Variants in MYH9 observed in about 807,000 individuals in gnomAD.
MYH9 encodes myosin-9.
A neutral mutation model predicts 241.9 loss-of-function variants in MYH9; 29 were observed. The observed-to-expected ratio is 0.12, with a 90% confidence interval of 0.09 to 0.16. The LOEUF (loss-of-function observed/expected upper bound fraction) is 0.16, where lower values mean the gene tolerates loss of function less well. MYH9 is among the 10% of genes least tolerant of loss of function. The pLI is 1.00. For missense variants in MYH9, 1,803 were observed against 2,595.5 expected, an observed-to-expected ratio of 0.69 and a Z score of 6.63; for synonymous variants, 1,047 against 1,062.6, an observed-to-expected ratio of 0.99 and a Z score of 0.29.
Position 36,296,865 on chromosome 22 carries a change from C to T in MYH9, c.3250G>A (p.Glu1084Lys). Residue 1084 changes from glutamate (E) to lysine (K), a missense_variant, in exon 25 of 41, where the codon GAG (glutamate) becomes AAG (lysine). Coordinates refer to ENST00000216181, the MANE Select transcript of MYH9 (RefSeq NM_002473.6). Reference protein sequence around the residue: ...LKMQLAKKEEELQAALARVEE... With the variant: ...LKMQLAKKEEKLQAALARVEE... ...CACCTGGCCAGGGCGGCCTGGAGCTCCTCCTCTTTCTTGGCCAGCTGCATC... is the reference window on the plus strand; with the variant it reads ...CACCTGGCCAGGGCGGCCTGGAGCTTCTCCTCTTTCTTGGCCAGCTGCATC... 1.2e-6 allele frequency: 2 copies of T among 1,612,260 alleles called. No homozygotes were observed. Among genetic ancestry groups the T allele is most frequent in the Non-Finnish European group, 1.7e-6 (2 of 1,179,452 alleles).
chr22:36,283,654 A>C (rs2016530246), intron 40 of MYH9, among the ~76,000 whole-genome samples: 1 of 152,178 alleles, frequency 6.6e-6, no homozygotes, highest in Admixed American at 6.5e-5. Context: ...ACAAAAAAAC[A>C]CGTAAGAAAT....
chr22:36,288,219 G>T lies in MYH9; in HGVS notation c.4932+33C>A, dbSNP rs768467880. 2.7e-5 allele frequency: 43 copies of T among 1,611,544 alleles called. No homozygotes were observed. The highest frequency in any genetic ancestry group is 5.9e-6 in the Non-Finnish European group (7 of 1,179,688). Reference sequence around the variant, plus strand: ...TATGTAGTTGGCTCAGTCGGGTGCCGCCCACCCTCACCTGGGCCCCGCCCA... The same window carrying T: ...TATGTAGTTGGCTCAGTCGGGTGCCTCCCACCCTCACCTGGGCCCCGCCCA... On this transcript the variant is annotated intron_variant, in intron 34 of 40. Transcript: ENST00000216181. The surrounding 1 kb of genome is among the most constrained non-coding windows in gnomAD (Gnocchi z 4.8).
Position 36,293,754 on chromosome 22 carries a change from C to T in MYH9, c.3942+5G>A, listed in dbSNP as rs775695035. 9.9e-6 allele frequency: 16 copies of T among 1,613,268 alleles called. No individual in the cohort carries two copies. In the Admixed American group the frequency reaches 2.5e-4, roughly 25 times the overall value. ...CACCTTCTGGGAACCTGGCGCCACCCCTACCTGAGTGTCCTGCAGCTGGGA... is the reference window on the plus strand; with the variant it reads ...CACCTTCTGGGAACCTGGCGCCACCTCTACCTGAGTGTCCTGCAGCTGGGA... On this transcript the variant is annotated splice_donor_5th_base_variant and intron_variant, in intron 29 of 40. Coordinates refer to ENST00000216181, the MANE Select transcript of MYH9 (RefSeq NM_002473.6). The surrounding 1 kb of genome is among the most constrained non-coding windows in gnomAD (Gnocchi z 5.1).
chr22:36,297,525 T>C (rs1372139345), intron 24 of MYH9, among the ~76,000 whole-genome samples: 1 of 152,196 alleles, frequency 6.6e-6, no homozygotes, highest in African/African-American at 2.4e-5. Flanking sequence ...GAGGCGCCAA[T>C]GAGTTACTAT....
intron 13 of MYH9, among the ~76,000 whole-genome samples, chr22:36,313,499 G>C (rs938217076): frequency 6.9e-6 from 1 of 144,200 alleles, no homozygotes; most frequent in African/African-American, 2.5e-5. Flanking sequence ...CACAGGAACA[G>C]CTCAGGCTTC....
intron 1 of MYH9, among the ~76,000 whole-genome samples, chr22:36,357,689 C>A (rs548006911): frequency 6.6e-6 from 1 of 152,096 alleles, no homozygotes; most frequent in East Asian, 1.9e-4. Flanking sequence ...CTGAAGTGCA[C>A]GGGCCAAATC....
rs1284925882 is a variant in MYH9 at position 36,330,977 on chromosome 22, A to G, written c.491-3489T>C. Among the ~76,000 whole-genome samples the G allele has an allele frequency of 1.3e-5, 2 of 152,122 alleles. No homozygotes were observed. The highest frequency in any genetic ancestry group is 2.9e-5 in the Non-Finnish European group (2 of 68,032). ...CTCTGCAGTAGTTTTCAGACTTTTC[A>G]AAAAGCAGCGGCAGTCCTTCCTCAG... On this transcript the variant is annotated intron_variant, in intron 3 of 40. Coordinates refer to ENST00000216181, the MANE Select transcript of MYH9 (RefSeq NM_002473.6). This position sits in a 1 kb window ranked among gnomAD's most constrained non-coding sequence, Gnocchi z 4.5.
At position 36,316,677 on chromosome 22, in the gene MYH9, G is replaced by A. The variant is rs1407837259; in HGVS notation, c.1228-8C>T. On this transcript the variant is annotated splice_region_variant and splice_polypyrimidine_tract_variant and intron_variant, in intron 11 of 40. Coordinates refer to ENST00000216181, the MANE Select transcript of MYH9 (RefSeq NM_002473.6). Reference sequence around the variant, plus strand: ...CTCGATGGCAAAGTCAGCCTGCGGGGCACACCCGGGGAGCGTGGTGTCAGA... The same window carrying A: ...CTCGATGGCAAAGTCAGCCTGCGGGACACACCCGGGGAGCGTGGTGTCAGA... 1.2e-6 allele frequency: 2 copies of A among 1,613,500 alleles called. No homozygotes were observed. The highest frequency in any genetic ancestry group is 1.7e-6 in the Non-Finnish European group (2 of 1,180,038).
chr22:36,308,752 T>G (rs2017012104), intron 15 of MYH9: 2 of 935,722 alleles, frequency 2.1e-6, no homozygotes, highest in Non-Finnish European at 2.5e-6. Flanking sequence ...AAGCATTTCT[T>G]GCACAGCTTT....
chr22:36,297,091 T>G (rs1266086033), intron 24 of MYH9, 77 bp from the exon 25 acceptor site: 1 of 1,511,766 alleles, frequency 6.6e-7, no homozygotes, highest in African/African-American at 1.4e-5. Flanking sequence ...TACAAAATAC[T>G]GAGCACTCGT....
intron 31 of MYH9, among the ~76,000 whole-genome samples, chr22:36,290,919 C>T (rs191836288): frequency 0.015 from 2,206 of 151,928 alleles, 21 homozygotes; most frequent in Middle Eastern, 0.075. Context: ...GGCAACCGCC[C>T]CGTCTGAGAG....
At chr22:36,327,853 G>A (rs1366574293) in intron 3 of MYH9, among the ~76,000 whole-genome samples, 1 of 152,186 alleles carries the variant, frequency 6.6e-6, no homozygotes, top group East Asian at 1.9e-4. Flanking sequence ...ACGGGGTGGG[G>A]GGCTGAAGCT....
At chr22:36,315,235 C>T (rs761091295) in intron 12 of MYH9, among the ~76,000 whole-genome samples, 12 of 152,134 alleles carry the variant, frequency 7.9e-5, no homozygotes, top group Non-Finnish European at 1.3e-4. Flanking sequence ...ATCACAAGTA[C>T]TGCTAATACA....
chr22:36,345,788 G>C (rs189302333), intron 2 of MYH9, among the ~76,000 whole-genome samples: 12 of 152,170 alleles, frequency 7.9e-5, no homozygotes, highest in Admixed American at 7.2e-4. Flanking sequence ...CCAACACCTG[G>C]CTGTGTGACC....
intron 3 of MYH9, among the ~76,000 whole-genome samples, chr22:36,331,853 C>A (rs2017425601): frequency 6.6e-6 from 1 of 152,196 alleles, no homozygotes. Flanking sequence ...GAAAGAAAAA[C>A]AGGAAAAAGG....
In MYH9 at chr22:36,383,330, T is replaced by C. The variant is rs543154851; in HGVS notation, c.-20+4477A>G. On this transcript the variant is annotated intron_variant, in intron 1 of 40. Coordinates refer to ENST00000216181, the MANE Select transcript of MYH9 (RefSeq NM_002473.6). ...CCAGTGCTCTTCCTGTATCACCCTT[T>C]GGCTATCTCCCAGACCACAGGAAAC... Among the ~76,000 whole-genome samples the C allele has an allele frequency of 4.6e-5, 7 of 152,306 alleles. No homozygotes were observed. The East Asian group carries it at 1.3e-3, about 29-fold the overall frequency.
At chr22:36,302,851 G>A (rs2016903519) in intron 19 of MYH9, among the ~76,000 whole-genome samples, 175 bp from the exon 20 acceptor site, 1 of 152,184 alleles carries the variant, frequency 6.6e-6, no homozygotes, top group Admixed American at 6.5e-5. Flanking sequence ...CCACTTACAG[G>A]CTGTGTGACT....
At chr22:36,284,667 A>G (rs138084239) in intron 38 of MYH9, among the ~76,000 whole-genome samples, 156 bp from the exon 39 acceptor site, 1 of 152,138 alleles carries the variant, frequency 6.6e-6, no homozygotes, top group Non-Finnish European at 1.5e-5. Context: ...CCGGCTTCTT[A>G]CGACGGGCAC....
chr22:36,307,263 G>A (rs752991744), intron 15 of MYH9, among the ~76,000 whole-genome samples: 40 of 152,230 alleles, frequency 2.6e-4, no homozygotes, highest in Middle Eastern at 3.4e-3. Context: ...CCTGGTGCAC[G>A]GGTCTTTCTC....
Sources: allele counts gnomAD v4.1 joint callset (sites outside exome capture counted in the v4.1 genomes callset), GRCh38; gene constraint gnomAD v4.1.1; non-coding constraint Gnocchi (gnomAD v3.1); transcripts MANE v1.5; gene names NCBI Gene and HGNC (gene_info 2026-07-23, HGNC 2026-07-21).